CAMK2G: variants seen among roughly 807,000 people sequenced by gnomAD.
The protein encoded by CAMK2G is calcium/calmodulin dependent protein kinase II gamma.
Under a neutral mutation model 88.7 loss-of-function variants are expected in CAMK2G, and 23 were observed. The ratio of observed to expected loss-of-function variants is 0.26; its 90% confidence interval spans 0.19 to 0.37. CAMK2G has a LOEUF of 0.37. CAMK2G is among the 10% of genes least tolerant of loss of function. The pLI is 1.00. For synonymous variants in CAMK2G, 263 were observed against 294.8 expected (o/e 0.89, Z 1.11); for missense variants, 476 against 780.8 (o/e 0.61, Z 4.65).
At position 73,873,051 on chromosome 10, in the gene CAMK2G, T is replaced by C; in HGVS notation, c.98A>G (p.Lys33Arg). 6.2e-7 allele frequency: 1 copy of C among 1,613,538 alleles called. No homozygotes were observed. The highest frequency in any genetic ancestry group is 8.5e-7 in the Non-Finnish European group (1 of 1,179,612). ...GAFSVVRRCV[K>R]KTSTQEYAAK... ...TGCGTACTCCTGCGTGGAGGTTTTC[T>C]TCACACACCTGCGGACCACAGAGAA... The change falls in exon 2 of 23, where the codon AAG becomes AGG. Residue 33 changes from lysine to arginine, a missense_variant. This residue lies in a region of CAMK2G where 164 missense variants were observed against 385.6 expected (regional missense o/e 0.43). Coordinates refer to ENST00000423381, the MANE Select transcript of CAMK2G (RefSeq NM_001367534.1).
chr10:73,822,352 G>C (rs1317144096), intron 17 of CAMK2G, among the ~76,000 whole-genome samples: 2 of 152,124 alleles, frequency 1.3e-5, no homozygotes, highest in East Asian at 1.9e-4. Context: ...ATTTTTATTA[G>C]AGATGGGGTT....
chr10:73,824,875 C>G (rs1012565438), intron 16 of CAMK2G, among the ~76,000 whole-genome samples: 1 of 152,198 alleles, frequency 6.6e-6, no homozygotes, highest in Admixed American at 6.5e-5. Context: ...AAAGGAGAGG[C>G]TGAGGCAGGT....
chr10:73,843,429 G>A (rs751617338), intron 10 of CAMK2G, among the ~76,000 whole-genome samples: 27 of 152,212 alleles, frequency 1.8e-4, no homozygotes, highest in Admixed American at 8.5e-4. Flanking sequence ...CTTAAACAGA[G>A]TCCATGGGAC....
intron 10 of CAMK2G, among the ~76,000 whole-genome samples, chr10:73,845,857 A>G (rs1221696560): frequency 6.6e-6 from 1 of 150,450 alleles, no homozygotes; most frequent in Non-Finnish European, 1.5e-5. Flanking sequence ...AAGCTTCCTG[A>G]GCTCTCTGTC....
chr10:73,840,164 C>G (rs2093662081), intron 12 of CAMK2G, among the ~76,000 whole-genome samples: 1 of 150,884 alleles, frequency 6.6e-6, no homozygotes. Context: ...CCCTCAGAGA[C>G]ACAGGTCCCT....
chr10:73,872,342 T>C (rs2095863513), intron 2 of CAMK2G, among the ~76,000 whole-genome samples: 1 of 152,242 alleles, frequency 6.6e-6, no homozygotes, highest in Non-Finnish European at 1.5e-5. Context: ...AACCGGGCCT[T>C]TGGGATTTCT....
chr10:73,856,070 A>G (rs1255421759), intron 3 of CAMK2G, among the ~76,000 whole-genome samples: 1 of 152,098 alleles, frequency 6.6e-6, no homozygotes, highest in Non-Finnish European at 1.5e-5. Context: ...ACCGCACCCC[A>G]TCAGATTCTG....
intron 10 of CAMK2G, among the ~76,000 whole-genome samples, chr10:73,844,903 C>G (rs761262198): frequency 1.3e-5 from 2 of 152,170 alleles, no homozygotes; most frequent in Non-Finnish European, 2.9e-5. Flanking sequence ...CCAACTTAAT[C>G]AGGGACTCTT....
At chr10:73,828,027 C>T (rs367765633) in intron 15 of CAMK2G, 62 bp downstream of exon 15, 26 of 1,361,274 alleles carry the variant, frequency 1.9e-5, no homozygotes, top group African/African-American at 2.9e-5. Context: ...AACAGGTTTG[C>T]GTGGCTGGCA....
intron 3 of CAMK2G, among the ~76,000 whole-genome samples, chr10:73,858,406 C>T (rs2095196937): frequency 6.6e-6 from 1 of 152,226 alleles, no homozygotes; most frequent in Non-Finnish European, 1.5e-5. Context: ...AAATTGCCTC[C>T]TCTCCTGCCA....
chr10:73,862,619 C>T (rs776638967), intron 2 of CAMK2G, among the ~76,000 whole-genome samples: 7 of 152,192 alleles, frequency 4.6e-5, no homozygotes, highest in Non-Finnish European at 8.8e-5. Flanking sequence ...ATAGAGTAAT[C>T]TGCCTAAGGT....
chr10:73,825,654 A>G (rs2090682888), intron 15 of CAMK2G, among the ~76,000 whole-genome samples: 1 of 152,178 alleles, frequency 6.6e-6, no homozygotes, highest in Non-Finnish European at 1.5e-5. Context: ...ACCTGACCCA[A>G]AGAAGTTCAA....
At chr10:73,868,371 G>T (rs2095669567) in intron 2 of CAMK2G, among the ~76,000 whole-genome samples, 4 of 152,194 alleles carry the variant, frequency 2.6e-5, no homozygotes, top group Admixed American at 2.6e-4. Flanking sequence ...AAGACAGGTG[G>T]GAGGGGAGGG....
At chr10:73,869,002 A>C (rs940834822) in intron 2 of CAMK2G, among the ~76,000 whole-genome samples, 3 of 152,240 alleles carry the variant, frequency 2.0e-5, no homozygotes, top group African/African-American at 7.2e-5. Context: ...CCATGTGCAC[A>C]GATGGCCACA....
chr10:73,851,332 G>A (rs2688626), intron 5 of CAMK2G, among the ~76,000 whole-genome samples: 97,348 of 151,934 alleles, frequency 0.64, 32,666 homozygotes, highest in Middle Eastern at 0.84. Context: ...CTGAACAGGC[G>A]CCTGAGAGCG....
intron 3 of CAMK2G, 149 bp from the exon 4 acceptor site, chr10:73,853,395 T>C: frequency 1.5e-6 from 1 of 675,954 alleles, no homozygotes. Flanking sequence ...ACGTGCCCAG[T>C]GCCCCCCAGT....
intron 15 of CAMK2G, among the ~76,000 whole-genome samples, chr10:73,826,716 C>G (rs2091054406): frequency 6.6e-6 from 1 of 152,204 alleles, no homozygotes; most frequent in Non-Finnish European, 1.5e-5. Flanking sequence ...ACAGATGATA[C>G]ATCGACAGCT....
At chr10:73,862,164 C>T (rs2095406966) in intron 2 of CAMK2G, among the ~76,000 whole-genome samples, 1 of 152,104 alleles carries the variant, frequency 6.6e-6, no homozygotes, top group South Asian at 2.1e-4. Flanking sequence ...ATGCTACTCA[C>T]AGCACGGAGG....
intron 21 of CAMK2G, chr10:73,816,807 T>C: frequency 1.3e-6 from 2 of 1,523,154 alleles, no homozygotes; most frequent in Non-Finnish European, 1.8e-6. Context: ...ACAAAGCAGC[T>C]GCAGAATGAA....
Sources: allele counts gnomAD v4.1 joint callset (sites outside exome capture counted in the v4.1 genomes callset), GRCh38; gene constraint gnomAD v4.1.1; regional missense constraint gnomAD v4.1.1; transcripts MANE v1.5; gene names NCBI Gene and HGNC (gene_info 2026-07-23, HGNC 2026-07-21).